GLRA3: variants seen among roughly 807,000 people sequenced by gnomAD.
The protein encoded by GLRA3 is glycine receptor alpha 3.
A neutral mutation model predicts 60.4 loss-of-function variants in GLRA3; 44 were observed. That is an observed-to-expected ratio of 0.73 (90% confidence interval 0.57 to 0.94). The LOEUF is 0.94. Among genes scored for constraint, GLRA3 ranks in the 40% least tolerant of loss-of-function variants. The probability of loss-of-function intolerance (pLI) is 0.00; values close to 1 mark genes in which losing one functional copy is unlikely to be tolerated. For missense variants in GLRA3, 508 were observed against 564.6 expected, an observed-to-expected ratio of 0.90 and a Z score of 1.02; for synonymous variants, 223 against 192.9, an observed-to-expected ratio of 1.16 and a Z score of -1.29.
chr4:174,679,159 G>A (rs1285876205), intron 6 of GLRA3, among the ~76,000 whole-genome samples: 2 of 151,928 alleles, frequency 1.3e-5, no homozygotes, highest in South Asian at 2.1e-4. Flanking sequence ...GTGCAACCCC[G>A]TCTCTACTAA....
At chr4:174,805,409 TGG>T (rs1045995474) in intron 1 of GLRA3, among the ~76,000 whole-genome samples, 1 of 152,082 alleles carries the variant, frequency 6.6e-6, no homozygotes, top group Non-Finnish European at 1.5e-5. Flanking sequence ...TCACTGACTC[TGG>T]GAAGCTAATC....
intron 6 of GLRA3, among the ~76,000 whole-genome samples, chr4:174,679,355 T>C (rs1734250923): frequency 6.6e-6 from 1 of 151,716 alleles, no homozygotes; most frequent in Non-Finnish European, 1.5e-5. Flanking sequence ...AAATAAGATA[T>C]TATCTCACCC....
At chr4:174,823,220 T>G (rs1740816200) in intron 1 of GLRA3, among the ~76,000 whole-genome samples, 1 of 135,252 alleles carries the variant, frequency 7.4e-6, no homozygotes, top group Admixed American at 7.7e-5. Context: ...ATCCACCTAA[T>G]AAAAAAACAA....
intron 5 of GLRA3, among the ~76,000 whole-genome samples, chr4:174,706,370 C>A (rs971383719): frequency 1.3e-5 from 2 of 152,100 alleles, no homozygotes; most frequent in African/African-American, 4.8e-5. Context: ...ATTATGGTAA[C>A]CCCATCATTA....
At chr4:174,761,088 T>C (rs1737925864) in intron 3 of GLRA3, among the ~76,000 whole-genome samples, 1 of 152,148 alleles carries the variant, frequency 6.6e-6, no homozygotes, top group African/African-American at 2.4e-5. Flanking sequence ...TTCATGTATT[T>C]GTACTGTTTA....
At chr4:174,797,108 AC>A (rs1173856419) in intron 1 of GLRA3, among the ~76,000 whole-genome samples, 1 of 152,136 alleles carries the variant, frequency 6.6e-6, no homozygotes, top group African/African-American at 2.4e-5. Context: ...ATATTCAAAA[AC>A]TTTTTTTAAG....
intron 5 of GLRA3, among the ~76,000 whole-genome samples, chr4:174,702,602 C>A (rs894686068): frequency 6.6e-6 from 1 of 152,070 alleles, no homozygotes; most frequent in Admixed American, 6.5e-5. Flanking sequence ...GAGTCTTGCT[C>A]TGTTGCCCAG....
At chr4:174,812,233 G>T (rs1740302453) in intron 1 of GLRA3, among the ~76,000 whole-genome samples, 2 of 152,038 alleles carry the variant, frequency 1.3e-5, no homozygotes, top group Non-Finnish European at 2.9e-5. Flanking sequence ...ATAAGATTCA[G>T]GACATAAAAG....
chr4:174,683,201 C>T (rs1232596880), intron 5 of GLRA3, among the ~76,000 whole-genome samples: 1 of 152,096 alleles, frequency 6.6e-6, no homozygotes, highest in Non-Finnish European at 1.5e-5. Context: ...CTTGAAGGGG[C>T]ATGCATATAC....
intron 9 of GLRA3, among the ~76,000 whole-genome samples, chr4:174,644,694 G>A (rs1390512153): frequency 6.6e-6 from 1 of 151,968 alleles, no homozygotes; most frequent in Non-Finnish European, 1.5e-5. Flanking sequence ...ACATTGGTTT[G>A]GTTGAAATTG....
At chr4:174,793,543 T>C (rs1739447188) in intron 1 of GLRA3, among the ~76,000 whole-genome samples, 1 of 151,798 alleles carries the variant, frequency 6.6e-6, no homozygotes, top group Non-Finnish European at 1.5e-5. Flanking sequence ...ACGTTGAACT[T>C]CTGGGCTTAA....
intron 5 of GLRA3, 90 bp downstream of exon 5, chr4:174,715,398 A>G (rs925009594): frequency 2.3e-5 from 16 of 685,888 alleles, no homozygotes; most frequent in Admixed American, 2.0e-4. Context: ...GACCAAAATG[A>G]TTACAAAATA....
intron 2 of GLRA3, among the ~76,000 whole-genome samples, chr4:174,782,621 C>A (rs571448006): frequency 6.6e-6 from 1 of 152,244 alleles, no homozygotes; most frequent in East Asian, 1.9e-4. Flanking sequence ...TCAGCAAAGT[C>A]TCAGGATACA....
chr4:174,647,090 C>T (rs1270995248), intron 9 of GLRA3, among the ~76,000 whole-genome samples: 1 of 152,152 alleles, frequency 6.6e-6, no homozygotes, highest in African/African-American at 2.4e-5. Flanking sequence ...GCTCAAGAGA[C>T]AGTTAATTCC....
At chr4:174,723,418 T>C (rs967658405) in intron 4 of GLRA3, among the ~76,000 whole-genome samples, 2 of 152,108 alleles carry the variant, frequency 1.3e-5, no homozygotes, top group Non-Finnish European at 2.9e-5. Flanking sequence ...TTTTGTTCAA[T>C]GATCAGGGAA....
intron 6 of GLRA3, among the ~76,000 whole-genome samples, chr4:174,678,090 T>A (rs887174658): frequency 6.6e-6 from 1 of 152,130 alleles, no homozygotes; most frequent in Non-Finnish European, 1.5e-5. Flanking sequence ...AGCAAACAAA[T>A]AGGAAAATAT....
intron 1 of GLRA3, among the ~76,000 whole-genome samples, chr4:174,790,825 C>CA (rs751090125): frequency 0.41 from 26,562 of 65,044 alleles, 4,257 homozygotes; most frequent in East Asian, 0.48. Flanking sequence ...CTAAAAAATA[C>CA]AAAAAAAAAA....
intron 1 of GLRA3, among the ~76,000 whole-genome samples, chr4:174,789,842 C>G (rs1285391916): frequency 6.6e-6 from 1 of 152,244 alleles, no homozygotes; most frequent in East Asian, 1.9e-4. Flanking sequence ...GATGTCACTT[C>G]CTGAAGATCA....
intron 5 of GLRA3, among the ~76,000 whole-genome samples, chr4:174,711,143 C>A (rs957274282): frequency 6.6e-6 from 1 of 151,650 alleles, no homozygotes; most frequent in African/African-American, 2.4e-5. Flanking sequence ...TTATTGGTTT[C>A]TAATTTTATT....
Sources: gnomAD v4.1 joint callset for allele counts (sites outside exome capture counted in the v4.1 genomes callset) on GRCh38, gnomAD v4.1.1 for gene constraint, MANE v1.5 for transcripts, NCBI Gene and HGNC (gene_info 2026-07-23, HGNC 2026-07-21) for gene names.